Variants in TUSC3 observed in about 807,000 individuals in gnomAD.
The protein encoded by TUSC3 is tumor suppressor candidate 3, also known as dolichyl-diphosphooligosaccharide--protein glycosyltransferase subunit TUSC3.
In TUSC3, 45 loss-of-function variants were observed where a neutral mutation model predicts 44.8. The observed-to-expected ratio is 1.00, with a 90% CI of 0.79 to 1.29. The LOEUF is 1.29. Ranked by LOEUF, TUSC3 falls within the 50% of genes most tolerant of loss-of-function variation. TUSC3 has a pLI of 0.00. For synonymous variants in TUSC3, 212 were observed against 152.9 expected (o/e 1.39, Z -2.85); for missense variants, 519 against 437.9 (o/e 1.19, Z -1.65).
the TUSC3 span, among the ~76,000 whole-genome samples, chr8:15,801,057 G>A: frequency 6.6e-6 from 1 of 152,164 alleles, no homozygotes; most frequent in South Asian, 2.1e-4. Flanking sequence ...AGAATTCAGG[G>A]TGAGTTTGTA....
At chr8:15,749,560 G>A (rs2129218474) in intron 9 of TUSC3, among the ~76,000 whole-genome samples, 1 of 152,016 alleles carries the variant, frequency 6.6e-6, no homozygotes, top group African/African-American at 2.4e-5. Context: ...CACCCTGCCT[G>A]CAGTGTAAAT....
intron 2 of TUSC3, among the ~76,000 whole-genome samples, chr8:15,639,821 A>G (rs1202656089): frequency 6.7e-6 from 1 of 148,600 alleles, no homozygotes; most frequent in Non-Finnish European, 1.5e-5. Context: ...GACTTAGTAC[A>G]GTCAGTCAAT....
At chr8:15,575,262 T>C (rs1166586485) in intron 1 of TUSC3, among the ~76,000 whole-genome samples, 3 of 152,170 alleles carry the variant, frequency 2.0e-5, no homozygotes, top group Non-Finnish European at 2.9e-5. Context: ...TTAAAAGGAC[T>C]AAGACTGCTT....
At chr8:15,554,181 C>T (rs1802156320) in intron 1 of TUSC3, among the ~76,000 whole-genome samples, 1 of 151,666 alleles carries the variant, frequency 6.6e-6, no homozygotes, top group Admixed American at 6.6e-5. Context: ...TTCCTTGTAT[C>T]ATCACAATGG....
At chr8:15,673,164 A>G (rs569457815) in intron 5 of TUSC3, among the ~76,000 whole-genome samples, 39 of 152,162 alleles carry the variant, frequency 2.6e-4, no homozygotes, top group African/African-American at 8.9e-4. Flanking sequence ...GCTTTGTCTG[A>G]TATATTCAGC....
At chr8:15,606,884 C>G (rs774737805) in intron 1 of TUSC3, among the ~76,000 whole-genome samples, 1 of 151,870 alleles carries the variant, frequency 6.6e-6, no homozygotes, top group Non-Finnish European at 1.5e-5. Context: ...ACAGTTTTAA[C>G]TTACGTTTTC....
chr8:15,692,632 A>G (rs1445540215), intron 6 of TUSC3, among the ~76,000 whole-genome samples: 3 of 149,432 alleles, frequency 2.0e-5, no homozygotes, highest in African/African-American at 4.9e-5. Flanking sequence ...GCTTGTGTGC[A>G]TAGAGGTATT....
intron 2 of TUSC3, among the ~76,000 whole-genome samples, chr8:15,523,193 T>C (rs1211215442): frequency 1.3e-5 from 2 of 152,140 alleles, no homozygotes; most frequent in Non-Finnish European, 2.9e-5. Flanking sequence ...ATTAATCCAC[T>C]GCACCAGTGA....
chr8:15,605,717 G>T (rs1804492073), intron 1 of TUSC3, among the ~76,000 whole-genome samples: 1 of 151,732 alleles, frequency 6.6e-6, no homozygotes, highest in Non-Finnish European at 1.5e-5. Context: ...ATTATAAAAA[G>T]GTCAAAACTT....
At chr8:15,692,049 G>A (rs923576093) in intron 6 of TUSC3, among the ~76,000 whole-genome samples, 1 of 152,142 alleles carries the variant, frequency 6.6e-6, no homozygotes, top group Non-Finnish European at 1.5e-5. Context: ...CCAAAGTGCT[G>A]GGATTTCAAT....
intron 1 of TUSC3, among the ~76,000 whole-genome samples, chr8:15,468,173 A>G (rs1254969828): frequency 6.6e-6 from 1 of 152,184 alleles, no homozygotes; most frequent in Admixed American, 6.5e-5. Context: ...CCTGAGAGAA[A>G]CGGAATTTCG....
At chr8:15,778,472 A>T in the TUSC3 span, among the ~76,000 whole-genome samples, 1 of 150,012 alleles carries the variant, frequency 6.7e-6, no homozygotes, top group Non-Finnish European at 1.5e-5. Context: ...ACTATTAATG[A>T]TTTTTTTTTT....
At chr8:15,643,109 C>T (rs1004412160) in intron 2 of TUSC3, among the ~76,000 whole-genome samples, 3 of 152,062 alleles carry the variant, frequency 2.0e-5, no homozygotes, top group African/African-American at 7.2e-5. Flanking sequence ...GGGGCTTTTC[C>T]GCCTTTGCTT....
intron 6 of TUSC3, among the ~76,000 whole-genome samples, chr8:15,716,517 G>T (rs1032843355): frequency 6.6e-6 from 1 of 152,108 alleles, no homozygotes; most frequent in African/African-American, 2.4e-5. Context: ...GTAAAAAATT[G>T]AGTAAGTGTG....
At chr8:15,635,781 A>G (rs1163818585) in intron 2 of TUSC3, among the ~76,000 whole-genome samples, 2 of 152,186 alleles carry the variant, frequency 1.3e-5, no homozygotes, top group African/African-American at 4.8e-5. Context: ...TATTCATTGT[A>G]GCTTCTGCAT....
chr8:15,672,671 G>A (rs1384862546), intron 5 of TUSC3, among the ~76,000 whole-genome samples: 1 of 152,022 alleles, frequency 6.6e-6, no homozygotes, highest in Non-Finnish European at 1.5e-5. Flanking sequence ...GAATATCTTA[G>A]TTGGTTACAT....
At position 15,724,724 on chromosome 8, in the gene TUSC3, G is replaced by T. The variant is rs116167597; in HGVS notation, c.799-5942G>T. ...GGTAGTGAATAAAGGACTGAAACAG[G>T]CTGAAAGGATTTACACTAGTACTTT... On this transcript the variant is annotated intron_variant, in intron 6 of 10. Coordinates refer to ENST00000503731, the MANE Select transcript of TUSC3 (RefSeq NM_006765.4). 5.7e-3 allele frequency among the ~76,000 whole-genome samples: 874 copies of T among 152,238 alleles called. 5 individuals are homozygous for T. The highest frequency in any genetic ancestry group is 0.015 in the African/African-American group (620 of 41,560).
chr8:15,587,960 A>T (rs1230176933), intron 1 of TUSC3, among the ~76,000 whole-genome samples: 2 of 152,080 alleles, frequency 1.3e-5, no homozygotes, highest in Non-Finnish European at 2.9e-5. Context: ...TTATCCGTTT[A>T]TCTGTTGGTA....
At chr8:15,734,032 G>T (rs1810831974) in intron 7 of TUSC3, among the ~76,000 whole-genome samples, 1 of 152,184 alleles carries the variant, frequency 6.6e-6, no homozygotes, top group South Asian at 2.1e-4. Context: ...GATAGAGTGA[G>T]ACCCCGTCTC....
Sources: allele counts gnomAD v4.1 joint callset (sites outside exome capture counted in the v4.1 genomes callset), GRCh38; gene constraint gnomAD v4.1.1; transcripts MANE v1.5; gene names NCBI Gene and HGNC (gene_info 2026-07-23, HGNC 2026-07-21).